Variants in ATL3 observed in about 807,000 individuals in gnomAD.
ATL3 encodes the protein atlastin-3.
ATL3 carries 49 observed loss-of-function variants against 69.5 expected under a neutral mutation model. The ratio of observed to expected loss-of-function variants is 0.71; its 90% CI spans 0.56 to 0.89. ATL3 has a LOEUF of 0.89. Ranked by LOEUF, ATL3 falls within the 40% of genes least tolerant of loss-of-function variation. The pLI is 0.00. For missense variants in ATL3, 606 were observed against 645.7 expected (o/e 0.94, Z 0.67); for synonymous variants, 214 against 224.1 (o/e 0.95, Z 0.40).
upstream of ATL3, chr11:63,671,571 G>C: frequency 7.0e-7 from 1 of 1,424,560 alleles, no homozygotes. Context: ...GGCGGGGCGG[G>C]AAAGCGCACG....
chr11:63,627,607 A>G lies in ATL3; in HGVS notation c.*1712T>C, dbSNP rs1939157683. 6.6e-6 allele frequency: 1 copy of G among 152,198 alleles called. No homozygotes were observed. The highest frequency in any genetic ancestry group is 1.5e-5 in the Non-Finnish European group (1 of 68,024). 9.4% of individuals were successfully genotyped at this position (152,198 alleles called of 1,614,324 possible). ...AAATTTACACTCTTACCTCCCTCCC[A>G]TAACAAAAGTTAAATTATCTTAGAA... On this transcript the variant is annotated 3_prime_UTR_variant, in exon 13 of 13. Coordinates refer to ENST00000398868, the MANE Select transcript of ATL3 (RefSeq NM_015459.5).
chr11:63,657,552 C>A (rs76797156), intron 3 of ATL3, among the ~76,000 whole-genome samples: 2 of 152,322 alleles, frequency 1.3e-5, no homozygotes, highest in East Asian at 3.9e-4. Context: ...CACATAAGAG[C>A]ATCAGCCTCT....
At chr11:63,635,714 T>C (rs947330096) in intron 9 of ATL3, 124 bp from the exon 10 acceptor site, 7 of 703,512 alleles carry the variant, frequency 1.0e-5, no homozygotes, top group South Asian at 1.8e-5. Flanking sequence ...AACCAGGAAT[T>C]AGCAAAAACA....
chr11:63,634,018 G>A (rs1239200916), intron 10 of ATL3, among the ~76,000 whole-genome samples: 1 of 125,856 alleles, frequency 7.9e-6, no homozygotes, highest in Non-Finnish European at 1.6e-5. Context: ...CTGAGCAATA[G>A]AGCAAGACTC....
In ATL3 at chr11:63,628,567, C is replaced by G. The variant is rs1348752560; in HGVS notation, c.*752G>C. The stretch of plus-strand genomic sequence containing the variant: ...TCCTTCTTGGCCGGGCACGGTGGCT[C>G]ACGCCTGTAATCCCAGCACTTTGGG... On this transcript the variant is annotated 3_prime_UTR_variant, in exon 13 of 13. Transcript: ENST00000398868. The G allele has an allele frequency of 6.6e-6, 1 of 152,158 alleles. No individual in the cohort carries two copies. Among genetic ancestry groups the G allele is most frequent in the Admixed American group, 6.5e-5 (1 of 15,280 alleles). 9.4% of individuals were successfully genotyped at this position (152,158 alleles called of 1,614,324 possible).
At chr11:63,645,852 T>C (rs1390034564) in intron 6 of ATL3, among the ~76,000 whole-genome samples, 2 of 152,042 alleles carry the variant, frequency 1.3e-5, no homozygotes, top group Non-Finnish European at 2.9e-5. Flanking sequence ...ACTGTAACCT[T>C]CACCTACCAG....
upstream of ATL3, chr11:63,671,553 C>G (rs928888666): frequency 1.0e-5 from 15 of 1,428,674 alleles, no homozygotes; most frequent in African/African-American, 9.0e-5. Context: ...CAGGACGAGG[C>G]TAGGCGAGGC....
rs537946950 is a variant in ATL3, at chr11:63,627,653, A to C, written c.*1666T>G. 1.3e-5 allele frequency: 2 copies of C among 152,332 alleles called. No homozygotes were observed. Among genetic ancestry groups the C allele is most frequent in the African/African-American group, 4.8e-5 (2 of 41,582 alleles). 9.4% of individuals were successfully genotyped at this position (152,332 alleles called of 1,614,324 possible). A position where few individuals can be genotyped will look rare whatever the true frequency, so the allele number is the denominator to read the frequency against. On this transcript the variant is annotated 3_prime_UTR_variant, in exon 13 of 13. Transcript: ENST00000398868. ...TAGAAATTAAGGCTTATATACCTGA[A>C]TGTTTATATAAATACTTGCAGGCAA...
chr11:63,662,339 G>C (rs1191444259), intron 1 of ATL3, among the ~76,000 whole-genome samples: 1 of 152,090 alleles, frequency 6.6e-6, no homozygotes, highest in Non-Finnish European at 1.5e-5. Context: ...TTCCCTAAGA[G>C]TATGTGTCAC....
intron 3 of ATL3, among the ~76,000 whole-genome samples, chr11:63,657,545 A>G (rs1940293836): frequency 1.3e-5 from 2 of 152,260 alleles, no homozygotes; most frequent in African/African-American, 2.4e-5. Context: ...GTGGTAACAC[A>G]TAAGAGCATC....
intron 9 of ATL3, among the ~76,000 whole-genome samples, 191 bp downstream of exon 9, chr11:63,636,016 C>T (rs1181435898): frequency 6.6e-6 from 1 of 151,068 alleles, no homozygotes; most frequent in East Asian, 1.9e-4. Context: ...AAAGAACATC[C>T]ATTTGGTTCT....
chr11:63,660,167 A>T (rs960575228), intron 1 of ATL3, among the ~76,000 whole-genome samples: 2 of 152,152 alleles, frequency 1.3e-5, no homozygotes, highest in African/African-American at 4.8e-5. Context: ...TCACTTAAAG[A>T]CTTCAATAAG....
At chr11:63,657,857 CTTTTT>C (rs1174775895) in intron 3 of ATL3, among the ~76,000 whole-genome samples, 104 of 136,516 alleles carry the variant, frequency 7.6e-4, no homozygotes, top group African/African-American at 2.7e-3. Context: ...ATGCCATTGG[CTTTTT>C]TTTTTTTTTT....
chr11:63,645,925 G>A (rs1361301420), intron 6 of ATL3, among the ~76,000 whole-genome samples: 1 of 151,708 alleles, frequency 6.6e-6, no homozygotes, highest in Non-Finnish European at 1.5e-5. Flanking sequence ...CCACCACCAC[G>A]CCCAGCTGAT....
chr11:63,632,261 G>A (rs1939346373), intron 11 of ATL3: 3 of 738,336 alleles, frequency 4.1e-6, no homozygotes, highest in Non-Finnish European at 7.7e-6. Flanking sequence ...TGACTTGTTG[G>A]CTATGCTATT....
chr11:63,626,515 T>C lies in ATL3; in HGVS notation c.*2804A>G, dbSNP rs1939117958. Reference sequence around the variant, plus strand: ...ATGAAAACTCTGATTCTACCATTTTTACTATAAGCAGCTCATTGAAATTAT... The same window carrying C: ...ATGAAAACTCTGATTCTACCATTTTCACTATAAGCAGCTCATTGAAATTAT... On this transcript the variant is annotated 3_prime_UTR_variant, in exon 13 of 13. Transcript: ENST00000398868. The C allele has an allele frequency of 6.6e-6, 1 of 152,234 alleles. No homozygotes were observed. The highest frequency in any genetic ancestry group is 1.5e-5 in the Non-Finnish European group (1 of 68,036). 9.4% of individuals were successfully genotyped at this position (152,234 alleles called of 1,614,324 possible).
intron 8 of ATL3, among the ~76,000 whole-genome samples, chr11:63,642,957 G>A (rs529325988): frequency 6.6e-6 from 1 of 152,312 alleles, no homozygotes; most frequent in African/African-American, 2.4e-5. Context: ...ACATGACCCA[G>A]CGTCAGGTTT....
intron 11 of ATL3, among the ~76,000 whole-genome samples, chr11:63,632,063 G>A (rs1403413336): frequency 6.6e-6 from 1 of 152,178 alleles, no homozygotes; most frequent in Non-Finnish European, 1.5e-5. Context: ...GGTCCTCAGG[G>A]TTCTTTGGGA....
chr11:63,661,578 AAAGAG>A (rs369003319), intron 1 of ATL3, among the ~76,000 whole-genome samples: 1,592 of 152,094 alleles, frequency 0.01, 18 homozygotes, highest in African/African-American at 0.034. Flanking sequence ...AGACTGTCTT[AAAGAG>A]AAGAGAAGAG....
Sources: allele counts gnomAD v4.1 joint callset (sites outside exome capture counted in the v4.1 genomes callset), GRCh38; gene constraint gnomAD v4.1.1; transcripts MANE v1.5; gene names NCBI Gene and HGNC (gene_info 2026-07-23, HGNC 2026-07-21).